The following MDGA2 variants were observed in gnomAD, a reference collection of about 807,000 sequenced individuals.
MDGA2 encodes MAM domain-containing glycosylphosphatidylinositol anchor protein 2.
Under a neutral mutation model 117.8 loss-of-function variants are expected in MDGA2, and 40 were observed. That is an observed-to-expected ratio of 0.34 (90% CI 0.26 to 0.44). The LOEUF (loss-of-function observed/expected upper bound fraction) is 0.44. Ranked by LOEUF, MDGA2 falls within the 20% of genes least tolerant of loss-of-function variation. The pLI is 1.00. For missense variants in MDGA2, 1,123 were observed against 1,250.6 expected (o/e 0.90, Z 1.54); for synonymous variants, 452 against 439.0 (o/e 1.03, Z -0.37).
At chr14:47,301,296 CACACACACA>C (rs1334789708) in intron 2 of MDGA2, 106 bp downstream of exon 2, 334 of 2,386 alleles carry the variant, frequency 0.14, 1 homozygote, top group Middle Eastern at 0.33. Context: ...CACACCCACC[CACACACACA>C]CACACACACA....
intron 1 of MDGA2, among the ~76,000 whole-genome samples, chr14:47,388,992 C>T (rs1267266250): frequency 6.6e-6 from 1 of 152,174 alleles, no homozygotes; most frequent in East Asian, 1.9e-4. Flanking sequence ...CTGGTTATTT[C>T]TTATTGATGT....
chr14:47,115,631 A>C (rs901622796), intron 5 of MDGA2, among the ~76,000 whole-genome samples: 2 of 152,084 alleles, frequency 1.3e-5, no homozygotes, highest in African/African-American at 4.8e-5. Context: ...ATCATTCAAC[A>C]TAAGAAAATC....
chr14:47,495,756 G>A (rs1321758253), intron 1 of MDGA2, among the ~76,000 whole-genome samples: 2 of 152,104 alleles, frequency 1.3e-5, no homozygotes, highest in Non-Finnish European at 2.9e-5. Context: ...TGAGGATGGT[G>A]ATCATTTAAT....
At chr14:47,227,719 A>G (rs1344798301) in intron 2 of MDGA2, among the ~76,000 whole-genome samples, 8 of 152,118 alleles carry the variant, frequency 5.3e-5, no homozygotes, top group Admixed American at 5.2e-4. Flanking sequence ...TGAGAATACA[A>G]TTATGAATTA....
At chr14:46,867,698 A>G (rs1383865028) in intron 14 of MDGA2, among the ~76,000 whole-genome samples, 1 of 152,064 alleles carries the variant, frequency 6.6e-6, no homozygotes. Flanking sequence ...TGGTTTATCA[A>G]TATATTAAAT....
chr14:47,664,539 C>T (rs1443680978), intron 1 of MDGA2, among the ~76,000 whole-genome samples: 12 of 152,192 alleles, frequency 7.9e-5, no homozygotes. Context: ...GATGTGGAAA[C>T]TGAGGGATAG....
At chr14:47,563,305 C>T (rs1566517145) in intron 1 of MDGA2, among the ~76,000 whole-genome samples, 1 of 151,994 alleles carries the variant, frequency 6.6e-6, no homozygotes, top group African/African-American at 2.4e-5. Context: ...AGTTTTCTGC[C>T]TCAATGATCT....
chr14:47,368,430 G>A (rs1281880348), intron 1 of MDGA2, among the ~76,000 whole-genome samples: 2 of 152,096 alleles, frequency 1.3e-5, no homozygotes, highest in African/African-American at 4.8e-5. Context: ...CTACCATCTA[G>A]ATTAGAGAAT....
chr14:47,062,537 C>A (rs1420312634), intron 6 of MDGA2, among the ~76,000 whole-genome samples: 1 of 150,788 alleles, frequency 6.6e-6, no homozygotes, highest in Non-Finnish European at 1.5e-5. Flanking sequence ...ATTTCCCTCT[C>A]CTTTAAAATG....
chr14:47,626,667 G>C (rs1252903142), intron 1 of MDGA2: 1 of 152,516 alleles, frequency 6.6e-6, no homozygotes. Context: ...GGCCAGCCCC[G>C]TCGGCCCGGG....
At chr14:47,294,894 C>T (rs957967533) in intron 2 of MDGA2, among the ~76,000 whole-genome samples, 1 of 152,096 alleles carries the variant, frequency 6.6e-6, no homozygotes, top group Non-Finnish European at 1.5e-5. Flanking sequence ...TTAACAAGGA[C>T]AAAAGCATCA....
At chr14:47,354,905 G>A (rs1488104629) in intron 1 of MDGA2, among the ~76,000 whole-genome samples, 8 of 152,016 alleles carry the variant, frequency 5.3e-5, no homozygotes, top group Non-Finnish European at 7.4e-5. Flanking sequence ...TGTGGTGGGC[G>A]AGACATTTCC....
chr14:47,329,103 C>A (rs952919329), intron 1 of MDGA2, among the ~76,000 whole-genome samples: 2 of 151,860 alleles, frequency 1.3e-5, no homozygotes, highest in African/African-American at 4.8e-5. Flanking sequence ...CAAATATATA[C>A]ATATATATAG....
intron 2 of MDGA2, among the ~76,000 whole-genome samples, chr14:47,230,992 A>G (rs1886670657): frequency 6.6e-6 from 1 of 152,016 alleles, no homozygotes; most frequent in Non-Finnish European, 1.5e-5. Context: ...AAAGCTTAAA[A>G]AGATAAGAAA....
At chr14:47,046,228 T>C (rs1395407943) in intron 7 of MDGA2, among the ~76,000 whole-genome samples, 2 of 151,990 alleles carry the variant, frequency 1.3e-5, no homozygotes, top group African/African-American at 4.8e-5. Flanking sequence ...GCTGAGATAT[T>C]CATTTACTAA....
intron 1 of MDGA2, among the ~76,000 whole-genome samples, chr14:47,527,442 G>A (rs560461524): frequency 2.6e-5 from 4 of 152,300 alleles, no homozygotes; most frequent in African/African-American, 7.2e-5. Flanking sequence ...GGAAAGAAAG[G>A]AAAAGACAGT....
In MDGA2 at chr14:46,851,725, C is replaced by T. The variant is rs1881063149; in HGVS notation, c.2883+3299G>A. On this transcript the variant is annotated intron_variant, in intron 15 of 16. Coordinates refer to ENST00000399232, the MANE Select transcript of MDGA2 (RefSeq NM_001113498.3). ...CAAGAGGTAAAAGTTGTGCCGTCCA[C>T]TTGAAGTAAATACATCCTCAAATAC... 2.0e-5 allele frequency among the ~76,000 whole-genome samples: 3 copies of T among 151,720 alleles called. No homozygotes were observed. In the South Asian group the frequency reaches 6.2e-4, roughly 31 times the overall value.
At chr14:47,137,633 T>C (rs539444690) in intron 4 of MDGA2, among the ~76,000 whole-genome samples, 6 of 152,306 alleles carry the variant, frequency 3.9e-5, no homozygotes, top group African/African-American at 1.2e-4. Context: ...TCATGCTTCC[T>C]GTACAGTCTG....
At chr14:47,087,038 C>A (rs1291991345) in intron 6 of MDGA2, among the ~76,000 whole-genome samples, 2 of 152,138 alleles carry the variant, frequency 1.3e-5, no homozygotes, top group Non-Finnish European at 2.9e-5. Context: ...GCATCACTTG[C>A]ATTTATTTTC....
Sources: gnomAD v4.1 joint callset for allele counts (sites outside exome capture counted in the v4.1 genomes callset) on GRCh38, gnomAD v4.1.1 for gene constraint, MANE v1.5 for transcripts, NCBI Gene and HGNC (gene_info 2026-07-23, HGNC 2026-07-21) for gene names.